Variants in DNA2 observed in about 807,000 individuals in gnomAD.
The protein encoded by DNA2 is DNA replication helicase/nuclease 2.
In DNA2, 101 loss-of-function variants were observed where a neutral mutation model predicts 119.1. The ratio of observed to expected loss-of-function variants is 0.85; its 90% CI spans 0.72 to 1.00. The LOEUF (loss-of-function observed/expected upper bound fraction) is 1.00, where lower values mean the gene tolerates loss of function less well. DNA2 is among the 50% of genes least tolerant of loss of function. The probability of loss-of-function intolerance (pLI) is 0.00; values close to 1 mark genes in which losing one functional copy is unlikely to be tolerated. For missense variants in DNA2, 1,121 were observed against 1,255.5 expected, an observed-to-expected ratio of 0.89 and a Z score of 1.62; for synonymous variants, 366 against 424.4, an observed-to-expected ratio of 0.86 and a Z score of 1.69.
In DNA2 at chr10:68,446,694, T is replaced by C. The variant is rs994162017; in HGVS notation, c.940-281A>G. Among the ~76,000 whole-genome samples the C allele has an allele frequency of 3.3e-5, 5 of 152,102 alleles. No individual in the cohort carries two copies. The East Asian group carries it at 5.8e-4, about 18-fold the overall frequency. On this transcript the variant is annotated intron_variant, in intron 6 of 20. Transcript: ENST00000358410. ...GAGTTTGAGACCAGCCTGGGCAATA[T>C]AGTGAGACCAAGTGATAGTCATTAT...
intron 4 of DNA2, among the ~76,000 whole-genome samples, chr10:68,459,811 A>T (rs878982268): frequency 6.6e-6 from 1 of 152,110 alleles, no homozygotes; most frequent in Admixed American, 6.6e-5. Flanking sequence ...GGTGGATCAC[A>T]AGGTCAGCAG....
chr10:68,442,362 G>A lies in DNA2; in HGVS notation c.1415+555C>T, dbSNP rs190534811. ...GTCTCCTGAGTAGCTGGGATTAAAG[G>A]CGCCTGCCACCACGCCCGGCTAATT... On this transcript the variant is annotated intron_variant, in intron 9 of 20. Transcript: ENST00000358410. 7.9e-4 allele frequency among the ~76,000 whole-genome samples: 120 copies of A among 151,798 alleles called. 2 individuals are homozygous for A. Among genetic ancestry groups the A allele is most frequent in the African/African-American group, 2.6e-3 (109 of 41,428 alleles).
At position 68,450,192 on chromosome 10, in the gene DNA2, T is replaced by C. The variant is rs762988626; in HGVS notation, c.775A>G (p.Met259Val). The C allele has an allele frequency of 1.2e-6, 2 of 1,602,562 alleles. No individual in the cohort carries two copies. The highest frequency in any genetic ancestry group is 1.1e-5 in the South Asian group (1 of 89,212). Residue 259 changes from methionine (M) to valine (V), a missense_variant, in exon 6 of 21, where the codon ATG (methionine) becomes GTG (valine). By Grantham distance (21) the Met-to-Val change is conservative. Coordinates refer to ENST00000358410, the MANE Select transcript of DNA2 (RefSeq NM_001080449.3). Reference protein sequence around the residue: ...STCNIEVVKPMDIEESIWSPR... With the variant: ...STCNIEVVKPVDIEESIWSPR... ...GACCAAATGCTTTCTTCAATATCCA[T>C]TGGTTTCACGACTTCAATGTTACAT... is the stretch of plus-strand genomic sequence containing the variant.
chr10:68,466,809 G>C (rs2052332489), intron 3 of DNA2, among the ~76,000 whole-genome samples: 1 of 152,064 alleles, frequency 6.6e-6, no homozygotes, highest in Non-Finnish European at 1.5e-5. Flanking sequence ...TTGATCTCCT[G>C]ACCTCGTGAT....
chr10:68,450,088 C>G lies in DNA2; in HGVS notation c.879G>C (p.Lys293Asn), dbSNP rs201350443. Residue 293 changes from lysine (K) to asparagine (N), a missense_variant, in exon 6 of 21, where the codon AAG becomes AAC. Transcript: ENST00000358410. ...CAGTTTTAAGTTCCAGCGGCATTAT[C>G]TTGTATTTTGTTTTATACCCTCGAT... ...KIHRGYKTKYKIMPLELKTGK... is the reference protein window; with the variant it reads ...KIHRGYKTKYNIMPLELKTGK... 3 of 1,602,228 alleles carry G rather than the reference C, an allele frequency of 1.9e-6. No homozygotes were observed. In the Admixed American group the frequency reaches 5.2e-5, roughly 28 times the overall value.
rs2051558566 is a variant in DNA2 at position 68,414,117 on chromosome 10, A to T, written c.*922T>A. ...AAAAACTTCAAGTAATAATTTAAAAAAACACATGAGGTAGAAATAAAAATT... is the reference window on the plus strand; with the variant it reads ...AAAAACTTCAAGTAATAATTTAAAATAACACATGAGGTAGAAATAAAAATT... On this transcript the variant is annotated 3_prime_UTR_variant, in exon 21 of 21. Coordinates refer to ENST00000358410, the MANE Select transcript of DNA2 (RefSeq NM_001080449.3). The T allele has an allele frequency of 6.7e-6, 1 of 150,338 alleles. No individual in the cohort carries two copies. The highest frequency in any genetic ancestry group is 2.2e-4 in the South Asian group (1 of 4,520). 9.3% of individuals were successfully genotyped at this position (150,338 alleles called of 1,614,324 possible). A position where few individuals can be genotyped will look rare whatever the true frequency, so the allele number is the denominator to read the frequency against.
At chr10:68,417,301 G>A (rs1197863275) in intron 19 of DNA2, among the ~76,000 whole-genome samples, 3 of 145,440 alleles carry the variant, frequency 2.1e-5, no homozygotes, top group African/African-American at 7.7e-5. Context: ...GGAGTACAAA[G>A]GAAACCTTTT....
chr10:68,422,863 T>C lies in DNA2; in HGVS notation c.2236A>G (p.Ile746Val). 4 of 1,595,026 alleles carry C rather than the reference T, an allele frequency of 2.5e-6. No individual in the cohort carries two copies. The highest frequency in any genetic ancestry group is 3.4e-6 in the Non-Finnish European group (4 of 1,174,566). The change falls in exon 15 of 21, where the codon ATA becomes GTA. Residue 746 changes from isoleucine to valine, a missense_variant. Coordinates refer to ENST00000358410, the MANE Select transcript of DNA2 (RefSeq NM_001080449.3). ...QLIVATTCMG[I>V]NHPIFSRKIF... ...TTACGGGAAAATATTGGATGGTTTA[T>C]TCCCATACATGTTGTTGCAACTATA...
At chr10:68,433,595 T>C (rs1590055950) in intron 10 of DNA2, among the ~76,000 whole-genome samples, 1 of 152,174 alleles carries the variant, frequency 6.6e-6, no homozygotes, top group African/African-American at 2.4e-5. Context: ...AGTGGCATGA[T>C]CATGGCTCAC....
In DNA2 at chr10:68,422,621, T is replaced by C; in HGVS notation, c.2403-17A>G. 5 of 1,613,786 alleles carry C rather than the reference T, an allele frequency of 3.1e-6. No homozygotes were observed. Among genetic ancestry groups the C allele is most frequent in the Non-Finnish European group, 4.2e-6 (5 of 1,179,664 alleles). Reference sequence around the variant, plus strand: ...CCAAGAGCTCTGTCAATAAATCAGATTCATGTTTATCAGTGTACTAAATCT... The same window carrying C: ...CCAAGAGCTCTGTCAATAAATCAGACTCATGTTTATCAGTGTACTAAATCT... On this transcript the variant is annotated splice_polypyrimidine_tract_variant and intron_variant, in intron 15 of 20. Coordinates refer to ENST00000358410, the MANE Select transcript of DNA2 (RefSeq NM_001080449.3).
intron 14 of DNA2, among the ~76,000 whole-genome samples, chr10:68,426,927 A>C (rs1417922991): frequency 6.6e-6 from 1 of 152,230 alleles, no homozygotes; most frequent in Non-Finnish European, 1.5e-5. Context: ...ATAGAGTGGG[A>C]GAAAATACCT....
At chr10:68,447,251 C>T (rs1451101187) in intron 6 of DNA2, among the ~76,000 whole-genome samples, 3 of 152,016 alleles carry the variant, frequency 2.0e-5, no homozygotes, top group Non-Finnish European at 2.9e-5. Context: ...GGCGTGGTGG[C>T]TCATGACTAT....
chr10:68,461,828 C>CAAAAAAAAAAAAAAA (rs554059657), intron 4 of DNA2, among the ~76,000 whole-genome samples: 9 of 70,290 alleles, frequency 1.3e-4, no homozygotes, highest in African/African-American at 3.7e-4. Context: ...AACTCCGTCT[C>CAAAAAAAAAAAAAAA]AAAAAAAAAA....
intron 9 of DNA2, among the ~76,000 whole-genome samples, chr10:68,441,351 A>G (rs563291889): frequency 2.4e-4 from 37 of 152,002 alleles, no homozygotes; most frequent in East Asian, 1.2e-3. Context: ...AAAAAAAAAA[A>G]AAAAGAAAAA....
At chr10:68,461,854 A>T (rs1052089481) in intron 4 of DNA2, among the ~76,000 whole-genome samples, 1 of 144,248 alleles carries the variant, frequency 6.9e-6, no homozygotes, top group Non-Finnish European at 1.5e-5. Context: ...AAAAAAAAAT[A>T]GAGGCTGGAG....
rs1193350695 is a variant in DNA2 at position 68,417,144 on chromosome 10, T to C, written c.2968-289A>G. ...CTACGGTCCCAGCTACTCAGGAGGC[T>C]GAGATGAAAGGATCACTGAGCCAGG... On this transcript the variant is annotated intron_variant, in intron 19 of 20. Coordinates refer to ENST00000358410, the MANE Select transcript of DNA2 (RefSeq NM_001080449.3). Among the ~76,000 whole-genome samples the C allele has an allele frequency of 3.3e-5, 5 of 150,996 alleles. No homozygotes were observed. The East Asian group carries it at 9.8e-4, about 29-fold the overall frequency.
At chr10:68,441,802 A>G (rs1381568429) in intron 9 of DNA2, among the ~76,000 whole-genome samples, 5 of 151,746 alleles carry the variant, frequency 3.3e-5, no homozygotes, top group African/African-American at 1.2e-4. Flanking sequence ...TATTTAAAAA[A>G]TCCAGTAAAT....
chr10:68,450,936 T>TA (rs1402481827), intron 5 of DNA2, among the ~76,000 whole-genome samples: 2 of 151,682 alleles, frequency 1.3e-5, no homozygotes, highest in South Asian at 2.1e-4. Context: ...CTGTCTCAAT[T>TA]AAAAAAATAC....
rs371222274 is a variant in DNA2 at position 68,432,552 on chromosome 10, G to A, written c.1647-42C>T. The A allele has an allele frequency of 1.6e-4, 175 of 1,096,684 alleles. 1 individual carries two copies. The highest frequency in any genetic ancestry group is 1.4e-3 in the Admixed American group (61 of 43,890). 67.9% of individuals were successfully genotyped at this position (1,096,684 alleles called of 1,614,324 possible). On this transcript the variant is annotated intron_variant, in intron 10 of 20. Transcript: ENST00000358410. ...AATATACATGAATGCTCGCCATTTC[G>A]CATAGTCTGTATAAGAAATATGCTG...
Sources: allele counts gnomAD v4.1 joint callset (sites outside exome capture counted in the v4.1 genomes callset), GRCh38; gene constraint gnomAD v4.1.1; transcripts MANE v1.5; gene names NCBI Gene and HGNC (gene_info 2026-07-23, HGNC 2026-07-21).